The following APTX variants were observed in gnomAD, a reference collection of about 807,000 sequenced individuals.
APTX encodes the protein aprataxin, also known as forkhead-associated domain histidine triad-like protein.
APTX carries 33 observed loss-of-function variants against 42.3 expected under a neutral mutation model. That is an observed-to-expected ratio of 0.78 (90% CI 0.59 to 1.04). APTX has a LOEUF of 1.04. Ranked by LOEUF, APTX falls within the 50% of genes least tolerant of loss-of-function variation. APTX has a pLI of 0.00. For synonymous variants in APTX, 130 were observed against 146.7 expected (o/e 0.89, Z 0.82); for missense variants, 421 against 415.1 (o/e 1.01, Z -0.12).
upstream of APTX, among the ~76,000 whole-genome samples, chr9:33,004,791 C>G (rs1007378346): frequency 6.7e-6 from 1 of 148,650 alleles, no homozygotes; most frequent in Non-Finnish European, 1.5e-5. Context: ...TGCCACCACA[C>G]CCGGGTAATT....
At chr9:33,023,259 T>C (rs1205684687) in intron 1 of APTX, among the ~76,000 whole-genome samples, 1 of 152,024 alleles carries the variant, frequency 6.6e-6, no homozygotes, top group African/African-American at 2.4e-5. Flanking sequence ...AGTCTTGCTC[T>C]GTCAACCAGG....
intron 6 of APTX, among the ~76,000 whole-genome samples, chr9:32,978,211 T>A (rs1199102636): frequency 6.6e-6 from 1 of 152,228 alleles, no homozygotes; most frequent in Non-Finnish European, 1.5e-5. Context: ...GAGAATAGAC[T>A]GAGTGGGGAA....
At chr9:32,985,341 T>G (rs1387037778) in intron 5 of APTX, among the ~76,000 whole-genome samples, 2 of 148,816 alleles carry the variant, frequency 1.3e-5, no homozygotes, top group Non-Finnish European at 1.5e-5. Context: ...TTTTTTTTTT[T>G]TTTTTTTTTT....
At chr9:32,990,980 G>A (rs374218918) in intron 1 of APTX, among the ~76,000 whole-genome samples, 17 of 152,002 alleles carry the variant, frequency 1.1e-4, no homozygotes, top group African/African-American at 4.1e-4. Flanking sequence ...AGGCTGGAGT[G>A]CAATGGCACA....
chr9:33,020,181 A>G, intron 1 of APTX: 1 of 279,894 alleles, frequency 3.6e-6, no homozygotes, highest in Non-Finnish European at 6.6e-6. Context: ...AGAAAAAAGT[A>G]TAGCTGTAGT....
chr9:32,980,057 T>G (rs879581303), intron 6 of APTX: 2 of 153,804 alleles, frequency 1.3e-5, no homozygotes, highest in African/African-American at 2.4e-5. Flanking sequence ...TCTAGAGCAT[T>G]TGTCTCACCC....
intron 6 of APTX, among the ~76,000 whole-genome samples, chr9:32,980,958 CAT>C (rs1471452077): frequency 2.0e-5 from 3 of 152,134 alleles, no homozygotes; most frequent in African/African-American, 7.2e-5. Flanking sequence ...AATCAATCAA[CAT>C]GTGTGCAGAA....
chr9:32,988,229 T>C, intron 2 of APTX, 100 bp from the exon 3 acceptor site: 2 of 1,075,350 alleles, frequency 1.9e-6, no homozygotes, highest in Non-Finnish European at 2.9e-6. Flanking sequence ...AGGCGGCAGC[T>C]GAACAGGTGG....
In APTX at chr9:32,986,051, A is replaced by AC. The variant is rs766036772; in HGVS notation, c.484-22_484-21insG. 872 of 669,174 alleles carry AC rather than the reference A, an allele frequency of 1.3e-3. 16 individuals carry two copies. Among genetic ancestry groups the AC allele is most frequent in the East Asian group, 3.2e-3 (102 of 31,888 alleles). The allele number at this position is 669,174 out of a possible 1,614,324, so 41.5% of individuals were successfully genotyped here. ...GATTCCTAAAAAAAAAACAAAAAAA[A>AC]AAACAAAAAAAAAAAAAAACAAGCA... On this transcript the variant is annotated intron_variant, in intron 4 of 7. Transcript: ENST00000379817.
intron 1 of APTX, among the ~76,000 whole-genome samples, chr9:33,019,041 C>T (rs1487210705): frequency 6.6e-6 from 1 of 152,078 alleles, no homozygotes; most frequent in Non-Finnish European, 1.5e-5. Flanking sequence ...ATTAAAGAAA[C>T]CCAAATAAAG....
chr9:33,014,199 A>C (rs1304594905), intron 1 of APTX, among the ~76,000 whole-genome samples: 1 of 152,140 alleles, frequency 6.6e-6, no homozygotes, highest in East Asian at 1.9e-4. Context: ...TAGGAGTCTA[A>C]GCCAATAGCA....
chr9:32,985,468 G>A (rs1044354447), intron 5 of APTX, among the ~76,000 whole-genome samples: 2 of 151,868 alleles, frequency 1.3e-5, no homozygotes, highest in African/African-American at 4.8e-5. Context: ...TCGAGTAGCT[G>A]AGATTACAGG....
chr9:33,011,668 G>A (rs564968376), intron 1 of APTX, among the ~76,000 whole-genome samples: 3 of 152,272 alleles, frequency 2.0e-5, no homozygotes, highest in Non-Finnish European at 4.4e-5. Flanking sequence ...CCAATTCTGC[G>A]TTTCTTTAAA....
intron 1 of APTX, among the ~76,000 whole-genome samples, chr9:33,000,625 C>CAAA (rs60760701): frequency 5.0e-3 from 316 of 63,272 alleles, no homozygotes; most frequent in Middle Eastern, 0.02. Context: ...GACTCTGTCT[C>CAAA]AAAAAAAAAA....
intron 5 of APTX, 46 bp downstream of exon 5, chr9:32,985,925 C>G: frequency 4.0e-6 from 6 of 1,511,192 alleles, no homozygotes; most frequent in Non-Finnish European, 5.5e-6. Flanking sequence ...GTGGAGTGGT[C>G]ATTTACAACA....
chr9:32,976,387 T>A (rs1207539598), intron 6 of APTX, among the ~76,000 whole-genome samples: 2 of 151,986 alleles, frequency 1.3e-5, no homozygotes, highest in Non-Finnish European at 2.9e-5. Flanking sequence ...TAAAAAAAAA[T>A]AAAAACTACT....
chr9:33,001,630 C>T, upstream of APTX: 5 of 1,613,394 alleles, frequency 3.1e-6, 1 homozygote, highest in Middle Eastern at 1.6e-4. Flanking sequence ...TCCGGCGCTG[C>T]GGGATGACGT....
chr9:32,979,041 C>T (rs780329925), intron 6 of APTX, among the ~76,000 whole-genome samples: 20 of 151,956 alleles, frequency 1.3e-4, no homozygotes, highest in Admixed American at 8.5e-4. Flanking sequence ...ATATAGGTAA[C>T]TTTTTAAAAC....
intron 1 of APTX, among the ~76,000 whole-genome samples, chr9:33,020,917 G>A (rs10971339): frequency 0.04 from 6,025 of 151,980 alleles, 148 homozygotes; most frequent in East Asian, 0.11. Flanking sequence ...ATCACCTGAG[G>A]TTGGGAGTTC....
Sources: allele counts gnomAD v4.1 joint callset (sites outside exome capture counted in the v4.1 genomes callset), GRCh38; gene constraint gnomAD v4.1.1; transcripts MANE v1.5; gene names NCBI Gene and HGNC (gene_info 2026-07-23, HGNC 2026-07-21).